ADAM32: variants seen among roughly 807,000 people sequenced by gnomAD.
ADAM32 encodes the protein ADAM metallopeptidase domain 32.
Under a neutral mutation model 114.9 loss-of-function variants are expected in ADAM32, and 89 were observed. That is an observed-to-expected ratio of 0.77 (90% CI 0.65 to 0.92). The LOEUF is 0.92. Ranked by LOEUF, ADAM32 falls within the 40% of genes least tolerant of loss-of-function variation. The pLI, the probability that ADAM32 is intolerant of heterozygous loss-of-function variation, is 0.00. For missense variants in ADAM32, 870 were observed against 932.8 expected, an observed-to-expected ratio of 0.93 and a Z score of 0.88; for synonymous variants, 285 against 307.5, an observed-to-expected ratio of 0.93 and a Z score of 0.77.
chr8:39,123,618 T>C (rs1234837481), intron 2 of ADAM32, among the ~76,000 whole-genome samples: 3 of 152,182 alleles, frequency 2.0e-5, no homozygotes, highest in Non-Finnish European at 4.4e-5. Context: ...TTTACAATAT[T>C]GAGTGCTCTG....
At chr8:39,269,393 C>T (rs1159166850) in intron 19 of ADAM32, among the ~76,000 whole-genome samples, 2 of 152,210 alleles carry the variant, frequency 1.3e-5, no homozygotes, top group Non-Finnish European at 2.9e-5. Flanking sequence ...TTTAGACATT[C>T]TGGCAGGAGG....
intron 6 of ADAM32, among the ~76,000 whole-genome samples, chr8:39,160,233 T>A (rs1014988490): frequency 1.3e-5 from 2 of 152,108 alleles, no homozygotes; most frequent in Admixed American, 6.5e-5. Context: ...CACTGAAAAG[T>A]CATATTGCAA....
At chr8:39,179,381 G>T (rs1164985544) in intron 10 of ADAM32, among the ~76,000 whole-genome samples, 2 of 152,230 alleles carry the variant, frequency 1.3e-5, no homozygotes, top group Non-Finnish European at 2.9e-5. Context: ...TGCTGTGGAA[G>T]TCGGGCCTGC....
At chr8:39,149,441 C>T (rs1162261612) in intron 4 of ADAM32, among the ~76,000 whole-genome samples, 1 of 152,088 alleles carries the variant, frequency 6.6e-6, no homozygotes, top group Non-Finnish European at 1.5e-5. Flanking sequence ...TCTTTTTTAG[C>T]ATCATATTAA....
At chr8:39,120,013 G>C (rs1347485262) in intron 2 of ADAM32, among the ~76,000 whole-genome samples, 3 of 152,186 alleles carry the variant, frequency 2.0e-5, no homozygotes, top group African/African-American at 7.2e-5. Context: ...GGTCATGAAA[G>C]GATACAACAA....
chr8:39,234,127 G>T, intron 16 of ADAM32, 45 bp downstream of exon 16: 1 of 1,198,608 alleles, frequency 8.3e-7, no homozygotes, highest in Non-Finnish European at 1.1e-6. Flanking sequence ...TTTATTTATT[G>T]TTTTCATCTT....
intron 11 of ADAM32, among the ~76,000 whole-genome samples, chr8:39,195,410 T>C (rs1418034703): frequency 6.6e-6 from 1 of 152,258 alleles, no homozygotes; most frequent in African/African-American, 2.4e-5. Context: ...GATTGTTTCT[T>C]TTGCTGTACG....
intron 15 of ADAM32, among the ~76,000 whole-genome samples, chr8:39,233,597 G>C (rs1809892970): frequency 6.6e-6 from 1 of 152,118 alleles, no homozygotes; most frequent in South Asian, 2.1e-4. Flanking sequence ...CTGTGACTAA[G>C]AATGCCGTAA....
At chr8:39,224,130 A>G (rs956675121) in intron 14 of ADAM32, 1 of 152,166 alleles carries the variant, frequency 6.6e-6, no homozygotes, top group Non-Finnish European at 1.5e-5. Context: ...TCAGAACACA[A>G]ATAAAACTCT....
intron 3 of ADAM32, among the ~76,000 whole-genome samples, chr8:39,143,859 G>T (rs1382872884): frequency 6.6e-6 from 1 of 152,182 alleles, no homozygotes; most frequent in Non-Finnish European, 1.5e-5. Context: ...GAGCTGTGGT[G>T]GGGTCTGCCC....
chr8:39,183,408 C>A (rs1806036081), intron 10 of ADAM32, among the ~76,000 whole-genome samples: 1 of 152,164 alleles, frequency 6.6e-6, no homozygotes, highest in Admixed American at 6.5e-5. Context: ...ATACCAGAAA[C>A]CTTAGGCCCA....
intron 3 of ADAM32, among the ~76,000 whole-genome samples, chr8:39,137,547 A>C (rs956676840): frequency 3.3e-5 from 5 of 151,988 alleles, no homozygotes; most frequent in African/African-American, 1.2e-4. Flanking sequence ...AGGTGGATCA[A>C]ACTCCTGAGG....
rs5891056 is a variant in ADAM32, at chr8:39,162,000, T to TTA, written c.594+1055_594+1056dup. 1.5e-3 allele frequency among the ~76,000 whole-genome samples: 219 copies of TTA among 144,498 alleles called. 1 individual carries two copies. The highest frequency in any genetic ancestry group is 2.6e-3 in the African/African-American group (101 of 39,586). 94.8% of individuals were successfully genotyped at this position (144,498 alleles called of 152,430 possible). A position where few individuals can be genotyped will look rare whatever the true frequency, so the allele number is the denominator to read the frequency against. ...GCCAGGTTTTCTTTTTTATTTTATT[T>TTA]TATATATATATATATATATATTTAT... On this transcript the variant is annotated intron_variant, in intron 7 of 24. Coordinates refer to ENST00000379907, the MANE Select transcript of ADAM32 (RefSeq NM_145004.7).
At chr8:39,258,529 G>A (rs1015528509) in intron 19 of ADAM32, among the ~76,000 whole-genome samples, 4 of 151,890 alleles carry the variant, frequency 2.6e-5, no homozygotes, top group African/African-American at 9.7e-5. Flanking sequence ...TCAATTATAT[G>A]ATTTATTTTC....
chr8:39,246,659 C>A (rs372144601), intron 17 of ADAM32, among the ~76,000 whole-genome samples: 1 of 152,158 alleles, frequency 6.6e-6, no homozygotes, highest in Non-Finnish European at 1.5e-5. Flanking sequence ...ACATCACACA[C>A]CAGAGTGGTC....
chr8:39,133,046 T>G (rs1416342949), intron 2 of ADAM32, among the ~76,000 whole-genome samples: 2 of 152,264 alleles, frequency 1.3e-5, no homozygotes, highest in African/African-American at 4.8e-5. Flanking sequence ...TTTGTTCAAA[T>G]ACTTTTTTTC....
intron 11 of ADAM32, among the ~76,000 whole-genome samples, chr8:39,199,565 ATC>A (rs1807239893): frequency 6.6e-6 from 1 of 151,842 alleles, no homozygotes; most frequent in Non-Finnish European, 1.5e-5. Context: ...TATGATATCT[ATC>A]TCTTTGTTAA....
At chr8:39,195,783 GT>G (rs1458355627) in intron 11 of ADAM32, among the ~76,000 whole-genome samples, 6 of 152,124 alleles carry the variant, frequency 3.9e-5, no homozygotes, top group African/African-American at 1.4e-4. Flanking sequence ...TACCAATACT[GT>G]TCTGAATTTA....
rs753811738 is a variant in ADAM32, at chr8:39,165,001, A to G, written c.667-29A>G. The G allele has an allele frequency of 1.9e-6, 3 of 1,547,854 alleles. No homozygotes were observed. The Middle Eastern group carries it at 5.1e-4, about 264-fold the overall frequency. ...TTATAAGATAACATAAATATTAATT[A>G]TGCATGTATTTATCTCTTCTGTTTT... On this transcript the variant is annotated intron_variant, in intron 8 of 24. Transcript: ENST00000379907.
Sources: allele counts gnomAD v4.1 joint callset (sites outside exome capture counted in the v4.1 genomes callset), GRCh38; gene constraint gnomAD v4.1.1; transcripts MANE v1.5; gene names NCBI Gene and HGNC (gene_info 2026-07-23, HGNC 2026-07-21).